PAPOLG: variants seen among roughly 807,000 people sequenced by gnomAD.
The protein encoded by PAPOLG is poly(A) polymerase gamma.
PAPOLG carries 40 observed loss-of-function variants against 99.0 expected under a neutral mutation model. The ratio of observed to expected loss-of-function variants is 0.40; its 90% CI spans 0.31 to 0.53. PAPOLG has a LOEUF of 0.53. Ranked by LOEUF, PAPOLG falls within the 20% of genes least tolerant of loss-of-function variation. PAPOLG has a pLI of 0.41. For missense variants in PAPOLG, 675 were observed against 884.1 expected (o/e 0.76, Z 3.00); for synonymous variants, 310 against 299.3 (o/e 1.04, Z -0.37).
Position 60,756,468 on chromosome 2 carries a change from C to G in PAPOLG, c.-11C>G. 1 of 1,610,220 alleles carries G rather than the reference C, an allele frequency of 6.2e-7. No individual in the cohort carries two copies. The highest frequency in any genetic ancestry group is 1.1e-5 in the South Asian group (1 of 90,914). ...GATAAACACTCGCTGGAGAGGGAGA[C>G]GCAGGAAGCGATGAAAGAGATGTCT... On this transcript the variant is annotated 5_prime_UTR_variant, in exon 1 of 22. Transcript: ENST00000238714.
intron 7 of PAPOLG, among the ~76,000 whole-genome samples, chr2:60,772,232 C>A (rs1161770431): frequency 6.6e-6 from 1 of 151,852 alleles, no homozygotes; most frequent in African/African-American, 2.4e-5. Context: ...TTACTTGAGC[C>A]CAGGAGTTTC....
At chr2:60,783,499 C>CATTTTTTTT (rs1344359590) in intron 13 of PAPOLG, among the ~76,000 whole-genome samples, 1 of 84,798 alleles carries the variant, frequency 1.2e-5, no homozygotes, top group Non-Finnish European at 2.6e-5. Flanking sequence ...CTTTACCCGG[C>CATTTTTTTT]CTTTTTTTTT....
At chr2:60,771,897 T>G (rs936465888) in intron 7 of PAPOLG, among the ~76,000 whole-genome samples, 3 of 152,168 alleles carry the variant, frequency 2.0e-5, no homozygotes, top group Non-Finnish European at 4.4e-5. Flanking sequence ...CCCAAAAAGC[T>G]TTTGTTTATG....
At chr2:60,763,070 A>G (rs1670570360) in intron 3 of PAPOLG, among the ~76,000 whole-genome samples, 2 of 150,536 alleles carry the variant, frequency 1.3e-5, no homozygotes, top group Non-Finnish European at 3.0e-5. Context: ...CCCAACCATA[A>G]ATTTTATTTT....
intron 6 of PAPOLG, 117 bp from the exon 7 acceptor site, chr2:60,771,402 T>G: frequency 7.8e-7 from 1 of 1,288,442 alleles, no homozygotes; most frequent in Non-Finnish European, 1.0e-6. Context: ...TATCGAAGCT[T>G]TGGTAGAACT....
intron 21 of PAPOLG, among the ~76,000 whole-genome samples, chr2:60,795,521 C>T (rs115807166): frequency 0.011 from 1,603 of 152,012 alleles, 13 homozygotes; most frequent in Non-Finnish European, 0.016. Context: ...ACTTTTATAA[C>T]TAAAAATGTG....
chr2:60,777,975 A>G (rs1363757613), intron 8 of PAPOLG, among the ~76,000 whole-genome samples: 1 of 152,242 alleles, frequency 6.6e-6, no homozygotes, highest in Non-Finnish European at 1.5e-5. Context: ...TATTGTGAGA[A>G]TTACTAAAAT....
intron 13 of PAPOLG, among the ~76,000 whole-genome samples, chr2:60,783,500 CTTTTTTTTTTTTT>C (rs761205449): frequency 1.4e-3 from 65 of 45,364 alleles, no homozygotes; most frequent in African/African-American, 5.4e-3. Flanking sequence ...TTTACCCGGC[CTTTTTTTTTTTTT>C]TTTTTTTTTT....
intron 13 of PAPOLG, among the ~76,000 whole-genome samples, chr2:60,786,305 A>G (rs942447931): frequency 3.3e-5 from 5 of 152,222 alleles, no homozygotes; most frequent in Non-Finnish European, 4.4e-5. Context: ...ATCTTAGCTC[A>G]CTGCAACCTC....
chr2:60,785,870 T>C (rs1671347375), intron 13 of PAPOLG, among the ~76,000 whole-genome samples: 1 of 151,966 alleles, frequency 6.6e-6, no homozygotes, highest in African/African-American at 2.4e-5. Flanking sequence ...GATTTGAAGG[T>C]AGAAAAAGAT....
rs1377393974 is a variant in PAPOLG, at chr2:60,791,811, G to A, written c.1447G>A (p.Glu483Lys). Residue 483 changes from glutamate to lysine, a missense_variant, in exon 16 of 22, where the codon GAA becomes AAA. Glu to Lys is a moderately conservative substitution (Grantham distance 56, BLOSUM62 1). This residue lies in a region of PAPOLG where 413 missense variants were observed against 460.5 expected (regional missense o/e 0.90). Coordinates refer to ENST00000238714, the MANE Select transcript of PAPOLG (RefSeq NM_022894.4). ...INMLKEGMKI[E>K]ATHVKKKQLH... is the part of the protein sequence containing the mutation. ...TATGCTAAAGGAGGGAATGAAAATT[G>A]AAGCAACTCATGTAAAGAAAAAACA... 1.2e-6 allele frequency: 2 copies of A among 1,613,410 alleles called. No individual in the cohort carries two copies. Among genetic ancestry groups the A allele is most frequent in the East Asian group, 2.2e-5 (1 of 44,850 alleles).
intron 8 of PAPOLG, 196 bp from the exon 9 acceptor site, chr2:60,779,441 G>A (rs921738207): frequency 2.1e-5 from 11 of 532,206 alleles, no homozygotes; most frequent in Non-Finnish European, 3.6e-5. Flanking sequence ...TAATTAGACT[G>A]TGGGCCTAAT....
intron 8 of PAPOLG, among the ~76,000 whole-genome samples, chr2:60,776,483 A>G (rs1671025133): frequency 7.7e-6 from 1 of 130,568 alleles, no homozygotes; most frequent in East Asian, 2.2e-4. Flanking sequence ...GCTGGAGTGC[A>G]GTGGCGCGAT....
chr2:60,782,663 T>C, intron 11 of PAPOLG, 23 bp from the exon 12 acceptor site: 1 of 1,360,544 alleles, frequency 7.3e-7, no homozygotes, highest in Non-Finnish European at 9.5e-7. Flanking sequence ...CTTTTTTTTT[T>C]TTTTTTTTTT....
At chr2:60,757,147 T>A (rs1394810854) in intron 1 of PAPOLG, among the ~76,000 whole-genome samples, 2 of 152,144 alleles carry the variant, frequency 1.3e-5, no homozygotes, top group Non-Finnish European at 2.9e-5. Flanking sequence ...TGCAGAAAAA[T>A]GTAGAGAATA....
intron 21 of PAPOLG, among the ~76,000 whole-genome samples, chr2:60,795,921 A>C (rs1185268249): frequency 1.3e-5 from 2 of 152,154 alleles, no homozygotes; most frequent in Non-Finnish European, 2.9e-5. Flanking sequence ...AGTACAAAAG[A>C]GTGAAATGAC....
At chr2:60,758,790 A>G (rs188235438) in intron 1 of PAPOLG, among the ~76,000 whole-genome samples, 2 of 152,310 alleles carry the variant, frequency 1.3e-5, no homozygotes, top group Admixed American at 1.3e-4. Context: ...GTGGTAAGAC[A>G]GTGTTTTGAC....
Position 60,760,134 on chromosome 2 carries a change from A to C in PAPOLG, c.18A>C (p.Ala6=), listed in dbSNP as rs964403248. 6.2e-6 allele frequency: 10 copies of C among 1,613,100 alleles called. No individual in the cohort carries two copies. The highest frequency in any genetic ancestry group is 8.5e-6 in the Non-Finnish European group (10 of 1,179,770). ...TCATTTTTCTTATTTTCTTGAACAGAAACACCGTGCTGGACAGCCAGCGTC... is the reference window on the plus strand; with the variant it reads ...TCATTTTTCTTATTTTCTTGAACAGCAACACCGTGCTGGACAGCCAGCGTC... MKEMS[A]NTVLDSQRQQ... is the part of the protein sequence containing the mutation. The change falls in exon 2 of 22, where the codon GCA becomes GCC. Residue 6 remains alanine (A), a splice_region_variant and synonymous_variant. Coordinates refer to ENST00000238714, the MANE Select transcript of PAPOLG (RefSeq NM_022894.4).
rs961263395 is a variant in PAPOLG at position 60,756,268 on chromosome 2, A to T, written c.-211A>T. On this transcript the variant is annotated 5_prime_UTR_variant, in exon 1 of 22. Coordinates refer to ENST00000238714, the MANE Select transcript of PAPOLG (RefSeq NM_022894.4). ...GAGGCAGGCTGGGAAGCGGCGCCAT[A>T]TTGGCGTCGGCCGCGCTGTATTGTC... 3 of 625,612 alleles carry T rather than the reference A, an allele frequency of 4.8e-6. 1 individual carries two copies. The highest frequency in any genetic ancestry group is 8.6e-6 in the Non-Finnish European group (3 of 349,012). The allele number at this position is 625,612 out of a possible 1,614,324, so 38.8% of individuals were successfully genotyped here.
Sources: allele counts gnomAD v4.1 joint callset (sites outside exome capture counted in the v4.1 genomes callset), GRCh38; gene constraint gnomAD v4.1.1; regional missense constraint gnomAD v4.1.1; transcripts MANE v1.5; gene names NCBI Gene and HGNC (gene_info 2026-07-23, HGNC 2026-07-21).